The following SOX5 variants were observed in gnomAD, a reference collection of about 807,000 sequenced individuals.
The protein encoded by SOX5 is SRY-box transcription factor 5.
Under a neutral mutation model 92.0 loss-of-function variants are expected in SOX5, and 9 were observed. The ratio of observed to expected loss-of-function variants is 0.10; its 90% CI spans 0.06 to 0.17. The LOEUF (loss-of-function observed/expected upper bound fraction) is 0.17, where lower values mean the gene tolerates loss of function less well. Ranked by LOEUF, SOX5 falls within the 10% of genes least tolerant of loss-of-function variation. The pLI, the probability that SOX5 is intolerant of heterozygous loss-of-function variation, is 1.00. For missense variants in SOX5, 642 were observed against 944.5 expected, an observed-to-expected ratio of 0.68 and a Z score of 4.20; for synonymous variants, 344 against 336.3, an observed-to-expected ratio of 1.02 and a Z score of -0.25.
rs149408026 is a variant in SOX5, at chr12:24,075,085, G to A, written c.-2+138258C>T. Among the ~76,000 whole-genome samples, 1,298 of 150,970 alleles carry A rather than the reference G, an allele frequency of 8.6e-3. 23 individuals are homozygous for A. Among genetic ancestry groups the A allele is most frequent in the African/African-American group, 0.03 (1,223 of 41,196 alleles). Reference sequence around the variant, plus strand: ...AAGACCAGCCTGGGCAACATAGGGAGACCCCATCTCTACAAAAAATAAAAA... The same window carrying A: ...AAGACCAGCCTGGGCAACATAGGGAAACCCCATCTCTACAAAAAATAAAAA... On this transcript the variant is annotated intron_variant, in intron 4 of 4. Transcript: ENST00000446891.
intron 4 of SOX5, among the ~76,000 whole-genome samples, chr12:24,145,480 A>T (rs149021663): frequency 2.6e-5 from 4 of 152,258 alleles, no homozygotes; most frequent in East Asian, 3.9e-4. Context: ...AAAATGGATT[A>T]AAAAAGATAT....
chr12:24,155,575 T>C (rs1449696306), intron 4 of SOX5, among the ~76,000 whole-genome samples: 3 of 152,152 alleles, frequency 2.0e-5, no homozygotes, highest in African/African-American at 4.8e-5. Context: ...CATGGTGGCC[T>C]TCCTGCAGAA....
intron 1 of SOX5, among the ~76,000 whole-genome samples, chr12:24,413,086 G>A (rs1173968586): frequency 6.6e-6 from 1 of 152,098 alleles, no homozygotes; most frequent in Non-Finnish European, 1.5e-5. Context: ...CCAACGTTGA[G>A]GTTCCTCTAT....
chr12:23,629,769 C>A (rs2078297409), intron 8 of SOX5, among the ~76,000 whole-genome samples: 1 of 151,902 alleles, frequency 6.6e-6, no homozygotes, highest in Non-Finnish European at 1.5e-5. Flanking sequence ...TCTTTCATTT[C>A]AACCTCCTCT....
intron 1 of SOX5, among the ~76,000 whole-genome samples, chr12:24,409,263 A>G (rs779246424): frequency 6.6e-6 from 1 of 152,180 alleles, no homozygotes; most frequent in African/African-American, 2.4e-5. Context: ...GTTCTCACTC[A>G]TAAGTGGGAG....
At chr12:23,828,552 T>A (rs2096267923) in intron 3 of SOX5, among the ~76,000 whole-genome samples, 1 of 152,190 alleles carries the variant, frequency 6.6e-6, no homozygotes, top group East Asian at 1.9e-4. Context: ...GTCTGTGCCA[T>A]TTTCAGTATT....
chr12:23,925,932 T>C (rs1939817154), intron 1 of SOX5, among the ~76,000 whole-genome samples: 3 of 152,032 alleles, frequency 2.0e-5, no homozygotes, highest in Non-Finnish European at 4.4e-5. Context: ...CCAATTAGAA[T>C]AAATGTTGGC....
chr12:23,551,028 G>A (rs960965567), intron 11 of SOX5, among the ~76,000 whole-genome samples: 2 of 151,908 alleles, frequency 1.3e-5, no homozygotes, highest in African/African-American at 4.8e-5. Flanking sequence ...TACACAAAGA[G>A]ATAGGCTATG....
chr12:23,612,275 T>G (rs1297959803), intron 8 of SOX5, among the ~76,000 whole-genome samples: 1 of 152,100 alleles, frequency 6.6e-6, no homozygotes, highest in Non-Finnish European at 1.5e-5. Context: ...ATGTGATAAT[T>G]TGATACATTC....
chr12:24,409,250 C>T (rs948995974), intron 1 of SOX5, among the ~76,000 whole-genome samples: 2 of 152,176 alleles, frequency 1.3e-5, no homozygotes, highest in Non-Finnish European at 2.9e-5. Context: ...CCACCCACCA[C>T]ATGTTCTCAC....
chr12:24,073,549 T>C (rs959026772), intron 4 of SOX5, among the ~76,000 whole-genome samples: 5 of 152,224 alleles, frequency 3.3e-5, no homozygotes, highest in Non-Finnish European at 5.9e-5. Context: ...TAACTTACTG[T>C]TGCTCTAAAG....
At chr12:24,000,813 G>T (rs1384238093) in intron 4 of SOX5, among the ~76,000 whole-genome samples, 1 of 152,024 alleles carries the variant, frequency 6.6e-6, no homozygotes, top group African/African-American at 2.4e-5. Context: ...TAAGAAATAC[G>T]CTTTGAAGAC....
In SOX5 at chr12:24,030,053, G is replaced by A. The variant is rs185537795; in HGVS notation, c.-1-134029C>T. Among the ~76,000 whole-genome samples the A allele has an allele frequency of 2.0e-5, 3 of 152,054 alleles. No homozygotes were observed. The East Asian group carries it at 5.8e-4, about 29-fold the overall frequency. Reference sequence around the variant, plus strand: ...TTTACCGAAGAGAAATTGAAGCACAGAGGGTTAAGTCACAAGCTCAATTAC... The same window carrying A: ...TTTACCGAAGAGAAATTGAAGCACAAAGGGTTAAGTCACAAGCTCAATTAC... On this transcript the variant is annotated intron_variant, in intron 4 of 4. Transcript: ENST00000446891.
At chr12:24,476,837 G>A (rs1483723794) in intron 1 of SOX5, among the ~76,000 whole-genome samples, 1 of 151,960 alleles carries the variant, frequency 6.6e-6, no homozygotes, top group African/African-American at 2.4e-5. Context: ...AAGTGATACT[G>A]AAGAACTAGT....
At chr12:24,140,779 A>G (rs2138652366) in intron 4 of SOX5, among the ~76,000 whole-genome samples, 1 of 152,312 alleles carries the variant, frequency 6.6e-6, no homozygotes. Flanking sequence ...CAGAATAACT[A>G]TTCTACTTTT....
intron 6 of SOX5, among the ~76,000 whole-genome samples, chr12:23,702,404 G>T (rs2090780411): frequency 1.3e-5 from 2 of 151,982 alleles, no homozygotes; most frequent in South Asian, 4.2e-4. Flanking sequence ...ATCAAAGTTG[G>T]GTATTTAACT....
chr12:24,184,482 T>C (rs1315865706), intron 4 of SOX5, among the ~76,000 whole-genome samples: 1 of 152,158 alleles, frequency 6.6e-6, no homozygotes, highest in Non-Finnish European at 1.5e-5. Context: ...TCAGATAAGA[T>C]TTTGACAGAA....
intron 3 of SOX5, among the ~76,000 whole-genome samples, chr12:24,240,209 C>A (rs1181910118): frequency 6.6e-6 from 1 of 152,106 alleles, no homozygotes; most frequent in Non-Finnish European, 1.5e-5. Context: ...AAAATTAAAA[C>A]CCTGATTTTA....
chr12:24,448,495 C>A (rs200732523), intron 1 of SOX5, among the ~76,000 whole-genome samples: 2 of 152,144 alleles, frequency 1.3e-5, no homozygotes, highest in East Asian at 3.8e-4. Context: ...AAGATATTAC[C>A]CACGGTGTTG....
Sources: gnomAD v4.1 joint callset for allele counts (sites outside exome capture counted in the v4.1 genomes callset) on GRCh38, gnomAD v4.1.1 for gene constraint, MANE v1.5 for transcripts, NCBI Gene and HGNC (gene_info 2026-07-23, HGNC 2026-07-21) for gene names.